Variants in FHIT observed in about 807,000 individuals in gnomAD.
The protein encoded by FHIT is fragile histidine triad diadenosine triphosphatase, also known as bis(5'-adenosyl)-triphosphatase.
FHIT carries 19 observed loss-of-function variants against 17.9 expected under a neutral mutation model. The observed-to-expected ratio is 1.06, with a 90% confidence interval of 0.74 to 1.56. The LOEUF (loss-of-function observed/expected upper bound fraction) is 1.56, where lower values mean the gene tolerates loss of function less well. FHIT is among the 40% of genes most tolerant of loss of function. FHIT has a pLI of 0.00. For synonymous variants in FHIT, 81 were observed against 69.7 expected (o/e 1.16, Z -0.81); for missense variants, 248 against 189.2 (o/e 1.31, Z -1.82).
Position 60,348,367 on chromosome 3 carries a change from T to C in FHIT, c.103+188493A>G, listed in dbSNP as rs140364280. Among the ~76,000 whole-genome samples the C allele has an allele frequency of 8.3e-3, 1,248 of 151,164 alleles. 17 individuals carry two copies. The highest frequency in any genetic ancestry group is 0.029 in the African/African-American group (1,185 of 41,354). ...ATATGTTCAATAATGTTGAAATCTT[T>C]TCACAAATAGCAGTGTCAAATTTTT... On this transcript the variant is annotated intron_variant, in intron 5 of 9. Transcript: ENST00000492590.
chr3:60,415,233 C>T (rs1179988776), intron 5 of FHIT, among the ~76,000 whole-genome samples: 1 of 152,114 alleles, frequency 6.6e-6, no homozygotes, highest in Admixed American at 6.6e-5. Context: ...CTGGGCACTT[C>T]TTAAAAGTAC....
chr3:61,056,063 T>C (rs1474405830), intron 2 of FHIT, among the ~76,000 whole-genome samples: 1 of 152,210 alleles, frequency 6.6e-6, no homozygotes, highest in Non-Finnish European at 1.5e-5. Context: ...AAATACTAAG[T>C]CTTATTTATT....
chr3:60,398,256 T>A (rs1701529608), intron 5 of FHIT, among the ~76,000 whole-genome samples: 1 of 152,174 alleles, frequency 6.6e-6, no homozygotes. Context: ...ATCGGAAACC[T>A]GAAAATAATA....
chr3:60,652,976 C>T (rs9311768), intron 4 of FHIT, among the ~76,000 whole-genome samples: 25 of 148,712 alleles, frequency 1.7e-4, no homozygotes, highest in African/African-American at 4.5e-4. Flanking sequence ...TAGCACATTG[C>T]GATTCCCCAG....
At chr3:60,682,278 G>A (rs575206842) in intron 4 of FHIT, among the ~76,000 whole-genome samples, 25 of 152,248 alleles carry the variant, frequency 1.6e-4, no homozygotes, top group Admixed American at 1.2e-3. Context: ...GCCAAAGGCA[G>A]ATTTTCAAGA....
intron 5 of FHIT, among the ~76,000 whole-genome samples, chr3:60,366,678 G>A (rs987895998): frequency 2.0e-5 from 3 of 152,154 alleles, no homozygotes; most frequent in African/African-American, 7.2e-5. Context: ...CCGCTCCCCT[G>A]CCATGAGATT....
chr3:60,751,005 G>C (rs1032080436), intron 4 of FHIT, among the ~76,000 whole-genome samples: 1 of 152,154 alleles, frequency 6.6e-6, no homozygotes, highest in Non-Finnish European at 1.5e-5. Flanking sequence ...TGGCACTCAG[G>C]GTCCTTCCTC....
At chr3:60,133,900 A>G (rs1401778864) in intron 5 of FHIT, among the ~76,000 whole-genome samples, 1 of 152,000 alleles carries the variant, frequency 6.6e-6, no homozygotes, top group Non-Finnish European at 1.5e-5. Flanking sequence ...CTTGAAAAAA[A>G]GAAAATACTG....
chr3:60,788,967 T>C (rs17063998), intron 4 of FHIT, among the ~76,000 whole-genome samples: 2,752 of 151,840 alleles, frequency 0.018, 89 homozygotes, highest in African/African-American at 0.063. Context: ...TTCCAAAATA[T>C]ATGTATCCCC....
intron 2 of FHIT, among the ~76,000 whole-genome samples, chr3:61,048,676 T>C (rs888060992): frequency 6.6e-6 from 1 of 152,218 alleles, no homozygotes; most frequent in South Asian, 2.1e-4. Flanking sequence ...GACACATGCA[T>C]ACGTATGTTT....
At chr3:59,835,809 A>G (rs2106724739) in intron 8 of FHIT, among the ~76,000 whole-genome samples, 1 of 152,340 alleles carries the variant, frequency 6.6e-6, no homozygotes, top group South Asian at 2.1e-4. Flanking sequence ...TTGCCAGCCT[A>G]TAATGAAATT....
At chr3:60,118,700 A>G (rs1426948887) in intron 5 of FHIT, among the ~76,000 whole-genome samples, 1 of 144,868 alleles carries the variant, frequency 6.9e-6, no homozygotes, top group Non-Finnish European at 1.5e-5. Flanking sequence ...AATAAACTAG[A>G]AGTTAGTAAA....
chr3:60,112,014 C>T (rs1337804554), intron 5 of FHIT, among the ~76,000 whole-genome samples: 1 of 152,146 alleles, frequency 6.6e-6, no homozygotes, highest in Non-Finnish European at 1.5e-5. Flanking sequence ...CGGGCATAAA[C>T]CATAAGAGAA....
chr3:60,731,510 C>T (rs1288519010), intron 4 of FHIT, among the ~76,000 whole-genome samples: 1 of 152,194 alleles, frequency 6.6e-6, no homozygotes, highest in Non-Finnish European at 1.5e-5. Context: ...TCCCCTGAGT[C>T]TTCCCATGGA....
rs139974770 is a variant in FHIT at position 61,077,999 on chromosome 3, G to T, written c.-163-35900C>A. ...GAAAACACCTCTTTATAAAGGTCCA[G>T]ATGTATTTCTTTAAGTAGGCACTTT... On this transcript the variant is annotated intron_variant, in intron 2 of 9. Coordinates refer to ENST00000492590, the MANE Select transcript of FHIT (RefSeq NM_002012.4). 9.0e-3 allele frequency among the ~76,000 whole-genome samples: 1,372 copies of T among 152,264 alleles called. 21 individuals are homozygous for T. Among genetic ancestry groups the T allele is most frequent in the African/African-American group, 0.031 (1,298 of 41,546 alleles).
At chr3:60,026,088 G>T (rs1039454388) in intron 5 of FHIT, among the ~76,000 whole-genome samples, 6 of 152,122 alleles carry the variant, frequency 3.9e-5, no homozygotes, top group South Asian at 2.1e-4. Flanking sequence ...GCCAATCACA[G>T]GGGAGGCTGG....
Position 60,045,668 on chromosome 3 carries a change from C to T in FHIT, c.104-31516G>A, listed in dbSNP as rs181899824. Among the ~76,000 whole-genome samples, 837 of 152,306 alleles carry T rather than the reference C, an allele frequency of 5.5e-3. 8 individuals carry two copies. Among genetic ancestry groups the T allele is most frequent in the African/African-American group, 0.019 (777 of 41,558 alleles). ...TCCCTACCTCCCTACCTTGCTTTCT[C>T]CCCTCCAGGGAAGACATGTGCCTCC... On this transcript the variant is annotated intron_variant, in intron 5 of 9. Coordinates refer to ENST00000492590, the MANE Select transcript of FHIT (RefSeq NM_002012.4).
chr3:60,261,671 C>A (rs1237403937), intron 5 of FHIT, among the ~76,000 whole-genome samples: 1 of 151,982 alleles, frequency 6.6e-6, no homozygotes, highest in African/African-American at 2.4e-5. Context: ...ACGTGCCTTC[C>A]TGACCAATAG....
At chr3:61,040,654 C>T (rs148655696) in intron 3 of FHIT, among the ~76,000 whole-genome samples, 117 of 152,294 alleles carry the variant, frequency 7.7e-4, no homozygotes, top group African/African-American at 2.6e-3. Context: ...AGACTACACA[C>T]GGCCCAAGGG....
Sources: allele counts gnomAD v4.1 joint callset (sites outside exome capture counted in the v4.1 genomes callset), GRCh38; gene constraint gnomAD v4.1.1; transcripts MANE v1.5; gene names NCBI Gene and HGNC (gene_info 2026-07-23, HGNC 2026-07-21).